The following SLC12A8 variants were observed in gnomAD, a reference collection of about 807,000 sequenced individuals.
SLC12A8 encodes solute carrier family 12 member 8.
SLC12A8 carries 69 observed loss-of-function variants against 75.6 expected under a neutral mutation model. That is an observed-to-expected ratio of 0.91 (90% CI 0.75 to 1.11). The LOEUF (loss-of-function observed/expected upper bound fraction) is 1.11, where lower values mean the gene tolerates loss of function less well. SLC12A8 is among the 50% of genes most tolerant of loss of function. SLC12A8 has a pLI of 0.00. For missense variants in SLC12A8, 877 were observed against 896.7 expected, an observed-to-expected ratio of 0.98 and a Z score of 0.28; for synonymous variants, 365 against 372.8, an observed-to-expected ratio of 0.98 and a Z score of 0.24.
intron 9 of SLC12A8, among the ~76,000 whole-genome samples, chr3:125,109,635 T>C (rs893275260): frequency 6.6e-6 from 1 of 152,198 alleles, no homozygotes; most frequent in Non-Finnish European, 1.5e-5. Context: ...TTTAGGAATG[T>C]CTATTTTAAT....
At chr3:125,116,955 A>T (rs1939325467) in intron 8 of SLC12A8, among the ~76,000 whole-genome samples, 1 of 152,212 alleles carries the variant, frequency 6.6e-6, no homozygotes, top group African/African-American at 2.4e-5. Flanking sequence ...ATGTAGATAC[A>T]AATGAGGGCT....
rs1447240994 is a variant in SLC12A8 at position 125,083,615 on chromosome 3, A to C, written c.*275T>G. 1 of 314,762 alleles carries C rather than the reference A, an allele frequency of 3.2e-6. No individual in the cohort carries two copies. The highest frequency in any genetic ancestry group is 6.0e-6 in the Non-Finnish European group (1 of 167,114). The allele number at this position is 314,762 out of a possible 1,614,324, so 19.5% of individuals were successfully genotyped here. A position where few individuals can be genotyped will look rare whatever the true frequency, so the allele number is the denominator to read the frequency against. On this transcript the variant is annotated 3_prime_UTR_variant, in exon 14 of 14. Coordinates refer to ENST00000469902, the MANE Select transcript of SLC12A8 (RefSeq NM_024628.6). ...TGCATGCCTATAATCCCAGCTACTC[A>C]GGAGGCTGAGGCAGGAGAATTGCTT...
intron 2 of SLC12A8, among the ~76,000 whole-genome samples, chr3:125,201,971 G>A (rs1935129410): frequency 6.6e-6 from 1 of 152,098 alleles, no homozygotes; most frequent in African/African-American, 2.4e-5. Flanking sequence ...GCAGGGGTTT[G>A]ATCTCAGCTC....
intron 4 of SLC12A8, 88 bp downstream of exon 4, chr3:125,187,149 T>C (rs1205417935): frequency 2.9e-6 from 4 of 1,382,212 alleles, no homozygotes; most frequent in Non-Finnish European, 4.0e-6. Flanking sequence ...GTCCCCACCC[T>C]CGCTTCTCCC....
chr3:125,135,739 G>T lies in SLC12A8; in HGVS notation c.666C>A (p.Asn222Lys). 6.2e-7 allele frequency: 1 copy of T among 1,609,826 alleles called. No homozygotes were observed. Among genetic ancestry groups the T allele is most frequent in the Non-Finnish European group, 8.5e-7 (1 of 1,177,404 alleles). The change falls in exon 6 of 14, where the codon AAC (asparagine) becomes AAA (lysine). Residue 222 changes from asparagine (N) to lysine (K), a missense_variant. Transcript: ENST00000469902. Reference sequence around the variant, plus strand: ...CCCCCGGGCTGTAATCGGGCAGCGTGTTGTTCTGTAGCAGTTCGGGTGAAT... The same window carrying T: ...CCCCCGGGCTGTAATCGGGCAGCGTTTTGTTCTGTAGCAGTTCGGGTGAAT... ...IGYSPELLQN[N>K]TLPDYSPGES...
chr3:125,172,532 T>C (rs1287406036), intron 5 of SLC12A8, among the ~76,000 whole-genome samples: 1 of 152,170 alleles, frequency 6.6e-6, no homozygotes, highest in Non-Finnish European at 1.5e-5. Flanking sequence ...TGAGGACATC[T>C]GACTGAACCT....
chr3:125,194,321 G>A (rs1934964970), intron 2 of SLC12A8, among the ~76,000 whole-genome samples: 1 of 152,220 alleles, frequency 6.6e-6, no homozygotes, highest in African/African-American at 2.4e-5. Flanking sequence ...GTCCCTCTGA[G>A]CCCAGGGGCC....
intron 10 of SLC12A8, among the ~76,000 whole-genome samples, chr3:125,101,303 G>T (rs1474056638): frequency 6.6e-6 from 1 of 152,212 alleles, no homozygotes; most frequent in African/African-American, 2.4e-5. Context: ...GCTAATCTCA[G>T]TGCCAGGCAC....
intron 2 of SLC12A8, among the ~76,000 whole-genome samples, chr3:125,199,824 A>G (rs925321325): frequency 3.3e-5 from 5 of 152,202 alleles, no homozygotes; most frequent in African/African-American, 1.2e-4. Context: ...AAAATGGTAT[A>G]AACCTTGACA....
intron 12 of SLC12A8, among the ~76,000 whole-genome samples, chr3:125,089,637 CAA>C (rs1938538700): frequency 6.8e-6 from 1 of 147,764 alleles, no homozygotes; most frequent in Non-Finnish European, 1.5e-5. Context: ...GCATTTCTTT[CAA>C]AGTGTTTGAA....
intron 8 of SLC12A8, among the ~76,000 whole-genome samples, chr3:125,116,450 G>T (rs1287039097): frequency 6.6e-6 from 1 of 152,178 alleles, no homozygotes; most frequent in Non-Finnish European, 1.5e-5. Flanking sequence ...CTAAGTGCTT[G>T]CCTACCTGCT....
intron 5 of SLC12A8, among the ~76,000 whole-genome samples, chr3:125,136,252 C>T (rs1361551828): frequency 2.0e-5 from 3 of 152,174 alleles, no homozygotes; most frequent in African/African-American, 7.2e-5. Context: ...GCTCCCTACT[C>T]ATCCCTTGCT....
chr3:125,098,452 C>G (rs1938773223), intron 10 of SLC12A8, among the ~76,000 whole-genome samples: 1 of 151,936 alleles, frequency 6.6e-6, no homozygotes, highest in African/African-American at 2.4e-5. Flanking sequence ...GGCAATTAAA[C>G]AGTTTTGTGT....
chr3:125,124,122 A>G (rs912082329), intron 6 of SLC12A8, among the ~76,000 whole-genome samples: 1 of 152,184 alleles, frequency 6.6e-6, no homozygotes, highest in Admixed American at 6.5e-5. Flanking sequence ...CACAGGAATG[A>G]GCCAGGCCCA....
At chr3:125,161,421 C>T (rs9869183) in intron 5 of SLC12A8, among the ~76,000 whole-genome samples, 10,856 of 152,222 alleles carry the variant, frequency 0.071, 429 homozygotes, top group African/African-American at 0.1. Context: ...TCAAGTCGGT[C>T]TTGCTTTCTG....
In SLC12A8 at chr3:125,116,864, A is replaced by G. The variant is rs187032506; in HGVS notation, c.912+1905T>C. Among the ~76,000 whole-genome samples the G allele has an allele frequency of 4.1e-3, 630 of 152,348 alleles. 4 individuals carry two copies. The highest frequency in any genetic ancestry group is 0.016 in the South Asian group (79 of 4,828). The stretch of plus-strand genomic sequence containing the variant: ...ACCCAGTCTGCTCCCTGAGGCCTTC[A>G]ATTCCTGTAATGCAGCCAAGCTTTT... On this transcript the variant is annotated intron_variant, in intron 8 of 13. Coordinates refer to ENST00000469902, the MANE Select transcript of SLC12A8 (RefSeq NM_024628.6).
intron 5 of SLC12A8, among the ~76,000 whole-genome samples, chr3:125,149,088 C>T (rs1933856987): frequency 6.6e-6 from 1 of 152,206 alleles, no homozygotes; most frequent in Non-Finnish European, 1.5e-5. Context: ...AGGGCCCTCC[C>T]CAGCTGGTGA....
intron 5 of SLC12A8, among the ~76,000 whole-genome samples, chr3:125,150,810 G>A (rs1028364925): frequency 6.6e-6 from 1 of 152,168 alleles, no homozygotes; most frequent in African/African-American, 2.4e-5. Context: ...AAAATAGAAT[G>A]AGCAATGCAG....
At chr3:125,128,241 C>G (rs1388841089) in intron 6 of SLC12A8, among the ~76,000 whole-genome samples, 8 of 114,054 alleles carry the variant, frequency 7.0e-5, no homozygotes, top group African/African-American at 2.2e-4. Context: ...AGTGCAGTGG[C>G]GGGATCTCGG....
Sources: allele counts gnomAD v4.1 joint callset (sites outside exome capture counted in the v4.1 genomes callset), GRCh38; gene constraint gnomAD v4.1.1; transcripts MANE v1.5; gene names NCBI Gene and HGNC (gene_info 2026-07-23, HGNC 2026-07-21).